ATP8A2: variants seen among roughly 807,000 people sequenced by gnomAD.
The protein encoded by ATP8A2 is ATPase phospholipid transporting 8A2, also known as phospholipid-transporting ATPase IB.
A neutral mutation model predicts 165.6 loss-of-function variants in ATP8A2; 100 were observed. The ratio of observed to expected loss-of-function variants is 0.60; its 90% CI spans 0.51 to 0.71. ATP8A2 has a LOEUF of 0.71. Among genes scored for constraint, ATP8A2 ranks in the 30% least tolerant of loss-of-function variants. The probability of loss-of-function intolerance (pLI) is 0.00; values close to 1 mark genes in which losing one functional copy is unlikely to be tolerated. For missense variants in ATP8A2, 1,227 were observed against 1,479.5 expected, an observed-to-expected ratio of 0.83 and a Z score of 2.80; for synonymous variants, 543 against 548.8, an observed-to-expected ratio of 0.99 and a Z score of 0.15.
At position 25,862,379 on chromosome 13, in the gene ATP8A2, A is replaced by T; in HGVS notation, c.3154A>T (p.Ile1052Phe). Residue 1052 changes from isoleucine to phenylalanine, a missense_variant, in exon 33 of 37, where the codon ATT (isoleucine) becomes TTT (phenylalanine). Around this residue, in one of 5 missense-constraint regions of ATP8A2, gnomAD observed 260 missense variants for 245.1 expected, o/e 1.06. Transcript: ENST00000381655. ...CATCTACTCGACCATCTGGCCCACCATTCCCATTGCTCCAGATATGAGAGG... is the reference window on the plus strand; with the variant it reads ...CATCTACTCGACCATCTGGCCCACCTTTCCCATTGCTCCAGATATGAGAGG... ...FGIYSTIWPT[I>F]PIAPDMRGQA... is the part of the protein sequence containing the mutation. 4 of 1,614,044 alleles carry T rather than the reference A, an allele frequency of 2.5e-6. No individual in the cohort carries two copies. The highest frequency in any genetic ancestry group is 3.4e-6 in the Non-Finnish European group (4 of 1,179,910).
At chr13:25,591,118 A>G (rs944765939) in intron 24 of ATP8A2, 6 of 329,438 alleles carry the variant, frequency 1.8e-5, no homozygotes, top group Non-Finnish European at 3.0e-5. Context: ...GGAACCTCTC[A>G]TCATTGGAAA....
intron 2 of ATP8A2, among the ~76,000 whole-genome samples, chr13:25,503,463 C>T (rs1380008290): frequency 1.3e-5 from 2 of 152,152 alleles, no homozygotes; most frequent in Admixed American, 6.5e-5. Flanking sequence ...TGGGAATTTG[C>T]GTTCTAGGTG....
intron 28 of ATP8A2, among the ~76,000 whole-genome samples, chr13:25,831,302 C>T (rs935439749): frequency 6.6e-6 from 1 of 150,852 alleles, no homozygotes; most frequent in Non-Finnish European, 1.5e-5. Flanking sequence ...GCAAGTTCCA[C>T]CTCCCGGGTT....
At chr13:25,467,880 G>T (rs2035714671) in intron 1 of ATP8A2, among the ~76,000 whole-genome samples, 1 of 152,154 alleles carries the variant, frequency 6.6e-6, no homozygotes, top group Non-Finnish European at 1.5e-5. Flanking sequence ...GGTGTGCAAC[G>T]TCCGTTTCTT....
At chr13:25,812,250 T>A (rs1192344570) in intron 27 of ATP8A2, among the ~76,000 whole-genome samples, 1 of 151,462 alleles carries the variant, frequency 6.6e-6, no homozygotes. Context: ...TGTACCATTA[T>A]AGTATGTTTG....
In ATP8A2 at chr13:25,541,848, T is replaced by C. The variant is rs568861603; in HGVS notation, c.652-71T>C. Reference sequence around the variant, plus strand: ...CCTTATTTTTCCTTTTGATTAACCATAGGGATGCTGAATGGTGTCCCTAAG... The same window carrying C: ...CCTTATTTTTCCTTTTGATTAACCACAGGGATGCTGAATGGTGTCCCTAAG... On this transcript the variant is annotated intron_variant, in intron 8 of 36. Transcript: ENST00000381655. The C allele has an allele frequency of 9.0e-4, 1,406 of 1,560,152 alleles. 2 individuals are homozygous for C. Among genetic ancestry groups the C allele is most frequent in the Non-Finnish European group, 7.3e-4 (825 of 1,137,368 alleles).
Position 25,506,631 on chromosome 13 carries a change from C to G in ATP8A2, c.222-23368C>G, listed in dbSNP as rs374292815. On this transcript the variant is annotated intron_variant, in intron 2 of 36. Coordinates refer to ENST00000381655, the MANE Select transcript of ATP8A2 (RefSeq NM_016529.6). Reference sequence around the variant, plus strand: ...AGCCCCACTTCCCGGATCGAGGTGCCCAGTTCTCTGTTTCTCCTCGTGTGG... The same window carrying G: ...AGCCCCACTTCCCGGATCGAGGTGCGCAGTTCTCTGTTTCTCCTCGTGTGG... Among the ~76,000 whole-genome samples the G allele has an allele frequency of 2.6e-5, 4 of 152,182 alleles. No homozygotes were observed. In the East Asian group the frequency reaches 7.7e-4, roughly 29 times the overall value.
intron 33 of ATP8A2, among the ~76,000 whole-genome samples, chr13:25,923,059 C>A (rs949016056): frequency 6.6e-6 from 1 of 152,082 alleles, no homozygotes; most frequent in Middle Eastern, 3.2e-3. Context: ...ACCTGGCCAC[C>A]CTGTTTACTT....
chr13:25,836,001 A>C (rs1295501589), intron 28 of ATP8A2, among the ~76,000 whole-genome samples: 3 of 152,214 alleles, frequency 2.0e-5, no homozygotes, highest in African/African-American at 7.2e-5. Context: ...CCAGCTTTAT[A>C]GGCAGAAAGG....
chr13:25,914,385 C>T (rs1954207715), intron 33 of ATP8A2, among the ~76,000 whole-genome samples: 1 of 152,196 alleles, frequency 6.6e-6, no homozygotes, highest in Non-Finnish European at 1.5e-5. Context: ...CCACTTTACA[C>T]CTGTGTGTTT....
chr13:25,890,147 G>A (rs1244012202), intron 33 of ATP8A2, among the ~76,000 whole-genome samples: 2 of 151,942 alleles, frequency 1.3e-5, no homozygotes, highest in Non-Finnish European at 2.9e-5. Context: ...GGGTGACGGC[G>A]CGAGACTCTG....
At position 25,999,913 on chromosome 13, in the gene ATP8A2, C is replaced by T. The variant is rs187872539; in HGVS notation, c.3378-12618C>T. ...TTATTGAAGTTTTAGGCTGGAAAACCGATTTTGTTTTTGTTTTATTCTTGT... is the reference window on the plus strand; with the variant it reads ...TTATTGAAGTTTTAGGCTGGAAAACTGATTTTGTTTTTGTTTTATTCTTGT... On this transcript the variant is annotated intron_variant, in intron 35 of 36. Coordinates refer to ENST00000381655, the MANE Select transcript of ATP8A2 (RefSeq NM_016529.6). Among the ~76,000 whole-genome samples the T allele has an allele frequency of 3.3e-5, 5 of 152,126 alleles. No individual in the cohort carries two copies. The South Asian group carries it at 8.3e-4, about 25-fold the overall frequency.
At chr13:25,480,555 A>G (rs1321069213) in intron 2 of ATP8A2, among the ~76,000 whole-genome samples, 1 of 136,836 alleles carries the variant, frequency 7.3e-6, no homozygotes, top group Non-Finnish European at 1.6e-5. Context: ...ATCTCAGAAG[A>G]TGGGCGGCCG....
intron 1 of ATP8A2, among the ~76,000 whole-genome samples, chr13:25,455,606 A>T (rs766922437): frequency 6.6e-6 from 1 of 152,224 alleles, no homozygotes; most frequent in Non-Finnish European, 1.5e-5. Context: ...CTAATAATTT[A>T]TACAGCTAGA....
rs3783136 is a variant in ATP8A2, at chr13:25,947,770, G to A, written c.3184-13805G>A. ...CAGACACCGTGGTCAGCCTTTTGAT[G>A]TGCAGCTACGTGGACAACACTTTTC... On this transcript the variant is annotated intron_variant, in intron 33 of 36. Coordinates refer to ENST00000381655, the MANE Select transcript of ATP8A2 (RefSeq NM_016529.6). Among the ~76,000 whole-genome samples, 1,327 of 152,232 alleles carry A rather than the reference G, an allele frequency of 8.7e-3. 22 individuals carry two copies. Among genetic ancestry groups the A allele is most frequent in the East Asian group, 0.061 (313 of 5,164 alleles).
intron 33 of ATP8A2, among the ~76,000 whole-genome samples, chr13:25,957,896 A>T (rs1955562838): frequency 6.6e-6 from 1 of 152,218 alleles, no homozygotes; most frequent in Non-Finnish European, 1.5e-5. Flanking sequence ...CTGGATAAAG[A>T]AAATGTGGCA....
intron 27 of ATP8A2, 113 bp downstream of exon 27, chr13:25,775,072 G>A: frequency 1.6e-6 from 1 of 633,522 alleles, no homozygotes; most frequent in Non-Finnish European, 2.7e-6. Context: ...AAAAGATGCT[G>A]CTGTGACTTT....
chr13:25,498,432 C>T (rs2036747460), intron 2 of ATP8A2, among the ~76,000 whole-genome samples: 1 of 152,198 alleles, frequency 6.6e-6, no homozygotes, highest in Non-Finnish European at 1.5e-5. Flanking sequence ...TACATATGCA[C>T]ATCTATTTCT....
intron 1 of ATP8A2, among the ~76,000 whole-genome samples, chr13:25,415,690 A>G (rs1022375366): frequency 6.6e-6 from 1 of 152,174 alleles, no homozygotes; most frequent in African/African-American, 2.4e-5. Flanking sequence ...AGCAGTGAGC[A>G]CATCCCTGTC....
Sources: gnomAD v4.1 joint callset for allele counts (sites outside exome capture counted in the v4.1 genomes callset) on GRCh38, gnomAD v4.1.1 for gene constraint, gnomAD v4.1.1 regional missense constraint, MANE v1.5 for transcripts, NCBI Gene and HGNC (gene_info 2026-07-23, HGNC 2026-07-21) for gene names.